The following CNTNAP2 variants were observed in gnomAD, a reference collection of about 807,000 sequenced individuals.
The protein encoded by CNTNAP2 is contactin-associated protein-like 2.
A neutral mutation model predicts 155.2 loss-of-function variants in CNTNAP2; 98 were observed. The observed-to-expected ratio is 0.63, with a 90% CI of 0.54 to 0.75. The LOEUF is 0.75. Among genes scored for constraint, CNTNAP2 ranks in the 30% least tolerant of loss-of-function variants. The pLI is 0.00. For missense variants in CNTNAP2, 1,727 were observed against 1,688.1 expected (o/e 1.02, Z -0.40); for synonymous variants, 651 against 631.2 (o/e 1.03, Z -0.47).
At chr7:146,906,970 G>C (rs1263151293) in intron 3 of CNTNAP2, among the ~76,000 whole-genome samples, 1 of 148,652 alleles carries the variant, frequency 6.7e-6, no homozygotes, top group Non-Finnish European at 1.5e-5. Context: ...AGCTGATGGA[G>C]CTGAAAACCA....
intron 1 of CNTNAP2, among the ~76,000 whole-genome samples, chr7:146,240,702 C>A (rs1250368846): frequency 2.6e-5 from 4 of 152,180 alleles, no homozygotes; most frequent in East Asian, 1.9e-4. Flanking sequence ...GAACTAAAGA[C>A]AACTAATTCT....
intron 1 of CNTNAP2, among the ~76,000 whole-genome samples, chr7:146,762,278 A>G (rs1440163226): frequency 1.3e-5 from 2 of 152,150 alleles, no homozygotes; most frequent in African/African-American, 2.4e-5. Context: ...GTGGGCTTCC[A>G]TTCTTTGAAT....
chr7:146,230,091 T>C (rs916463657), intron 1 of CNTNAP2, among the ~76,000 whole-genome samples: 1 of 152,218 alleles, frequency 6.6e-6, no homozygotes, highest in Non-Finnish European at 1.5e-5. Flanking sequence ...AAACATTCTA[T>C]TGAATTTTGA....
intron 18 of CNTNAP2, among the ~76,000 whole-genome samples, chr7:148,175,088 C>T (rs1051184811): frequency 2.6e-5 from 4 of 152,170 alleles, no homozygotes; most frequent in Non-Finnish European, 4.4e-5. Flanking sequence ...GACATGAACT[C>T]ATTCTTTTTA....
At chr7:146,634,774 G>A (rs530758336) in intron 1 of CNTNAP2, among the ~76,000 whole-genome samples, 1 of 152,268 alleles carries the variant, frequency 6.6e-6, no homozygotes, top group East Asian at 1.9e-4. Flanking sequence ...AATCTTCAGT[G>A]GCACTTATAT....
intron 1 of CNTNAP2, among the ~76,000 whole-genome samples, chr7:146,548,804 T>TG (rs1038427200): frequency 3.3e-5 from 5 of 151,286 alleles, no homozygotes; most frequent in African/African-American, 4.8e-5. Context: ...CTAGGTTTTT[T>TG]TTTTTTTTTT....
chr7:147,691,160 A>G (rs1216615952), intron 13 of CNTNAP2, among the ~76,000 whole-genome samples: 3 of 152,178 alleles, frequency 2.0e-5, no homozygotes, highest in Non-Finnish European at 4.4e-5. Flanking sequence ...AATTAATTCA[A>G]TTATGATTGC....
chr7:148,106,403 T>C (rs920839017), intron 15 of CNTNAP2, among the ~76,000 whole-genome samples: 1 of 150,940 alleles, frequency 6.6e-6, no homozygotes, highest in Non-Finnish European at 1.5e-5. Context: ...AGCATAAATA[T>C]TCATCCCTGG....
At chr7:147,472,294 C>A (rs1258910570) in intron 10 of CNTNAP2, among the ~76,000 whole-genome samples, 6 of 148,036 alleles carry the variant, frequency 4.1e-5, no homozygotes, top group South Asian at 2.1e-4. Context: ...CTCACTGCAA[C>A]CTTTGCCTCC....
chr7:146,475,489 A>G (rs1796864491), intron 1 of CNTNAP2, among the ~76,000 whole-genome samples: 1 of 152,206 alleles, frequency 6.6e-6, no homozygotes, highest in Non-Finnish European at 1.5e-5. Flanking sequence ...GGCCTTTAGG[A>G]TCAGTCTGTG....
chr7:146,427,501 A>G (rs533187315), intron 1 of CNTNAP2, among the ~76,000 whole-genome samples: 153 of 152,152 alleles, frequency 1.0e-3, no homozygotes, highest in Non-Finnish European at 1.9e-3. Context: ...TCTTTTTACC[A>G]TTAAGAAACA....
intron 8 of CNTNAP2, among the ~76,000 whole-genome samples, chr7:147,189,227 T>C (rs1030089398): frequency 2.0e-5 from 3 of 152,200 alleles, no homozygotes; most frequent in East Asian, 1.9e-4. Flanking sequence ...TATAAAACTA[T>C]ACATAGTATT....
At chr7:146,935,165 T>G (rs932910162) in intron 3 of CNTNAP2, among the ~76,000 whole-genome samples, 2 of 152,196 alleles carry the variant, frequency 1.3e-5, no homozygotes, top group Non-Finnish European at 2.9e-5. Flanking sequence ...GCATCCTTGA[T>G]GTGAACAGCT....
chr7:148,176,759 A>G (rs1374606867), intron 18 of CNTNAP2, among the ~76,000 whole-genome samples: 1 of 152,132 alleles, frequency 6.6e-6, no homozygotes, highest in South Asian at 2.1e-4. Context: ...GAGCAGTTTA[A>G]CTCAGTGGAG....
chr7:146,538,511 G>A (rs1023792104), intron 1 of CNTNAP2, among the ~76,000 whole-genome samples: 8 of 152,056 alleles, frequency 5.3e-5, no homozygotes, highest in African/African-American at 1.4e-4. Context: ...TAAAAGTCCT[G>A]TGGAGTTAAG....
chr7:146,866,706 C>T (rs575002116), intron 3 of CNTNAP2, among the ~76,000 whole-genome samples: 1 of 152,150 alleles, frequency 6.6e-6, no homozygotes, highest in South Asian at 2.1e-4. Flanking sequence ...GGAAGAAATC[C>T]ATGTACTTTC....
intron 3 of CNTNAP2, among the ~76,000 whole-genome samples, chr7:146,866,422 C>T (rs1795206753): frequency 6.6e-6 from 1 of 152,000 alleles, no homozygotes; most frequent in Non-Finnish European, 1.5e-5. Flanking sequence ...CAGTCTTTAG[C>T]TCCTGCATAT....
chr7:146,847,068 A>ACGTTGAACTCAATGCTAATTTTTTT (rs1562971381), intron 3 of CNTNAP2, among the ~76,000 whole-genome samples: 4 of 151,860 alleles, frequency 2.6e-5, no homozygotes, highest in African/African-American at 7.3e-5. Flanking sequence ...AATTTTTTTT[A>ACGTTGAACTCAATGCTAATTTTTTT]TCGTGTCAAG....
chr7:148,381,097 C>T (rs967929901), intron 21 of CNTNAP2, among the ~76,000 whole-genome samples: 4 of 152,232 alleles, frequency 2.6e-5, no homozygotes, highest in African/African-American at 7.2e-5. Context: ...CGCTTTTGAG[C>T]GCCAACAGGA....
Sources: gnomAD v4.1 joint callset for allele counts (sites outside exome capture counted in the v4.1 genomes callset) on GRCh38, gnomAD v4.1.1 for gene constraint, MANE v1.5 for transcripts, NCBI Gene and HGNC (gene_info 2026-07-23, HGNC 2026-07-21) for gene names.